CDH18: variants seen among roughly 807,000 people sequenced by gnomAD.
The protein encoded by CDH18 is cadherin-18.
CDH18 carries 31 observed loss-of-function variants against 67.9 expected under a neutral mutation model. That is an observed-to-expected ratio of 0.46 (90% CI 0.34 to 0.62). The LOEUF (loss-of-function observed/expected upper bound fraction) is 0.62. Among genes scored for constraint, CDH18 ranks in the 20% least tolerant of loss-of-function variants. CDH18 has a pLI of 0.01. For synonymous variants in CDH18, 362 were observed against 347.2 expected (o/e 1.04, Z -0.48); for missense variants, 890 against 975.5 (o/e 0.91, Z 1.17).
At chr5:19,999,137 C>G (rs1736239524) in intron 2 of CDH18, among the ~76,000 whole-genome samples, 1 of 152,008 alleles carries the variant, frequency 6.6e-6, no homozygotes, top group East Asian at 1.9e-4. Context: ...GATAAAGTCC[C>G]TGTAAACACA....
chr5:20,467,977 CTTT>C (rs1022248296), intron 1 of CDH18, among the ~76,000 whole-genome samples: 4 of 144,990 alleles, frequency 2.8e-5, no homozygotes, highest in Admixed American at 7.2e-5. Flanking sequence ...TATTTACTTA[CTTT>C]TTATTTTATT....
intron 11 of CDH18, among the ~76,000 whole-genome samples, chr5:19,498,890 T>A (rs1200005494): frequency 6.6e-6 from 1 of 152,326 alleles, no homozygotes; most frequent in East Asian, 1.9e-4. Context: ...CGTATCTCCA[T>A]CTTTAGGAAC....
intron 3 of CDH18, among the ~76,000 whole-genome samples, chr5:19,835,768 C>T (rs943458158): frequency 2.0e-5 from 3 of 151,994 alleles, no homozygotes; most frequent in Non-Finnish European, 2.9e-5. Flanking sequence ...AGACTATGAG[C>T]GAGGTGTCCC....
rs369598111 is a variant in CDH18, at chr5:20,250,499, GC to G, written c.-518+4944del. ...GTAGAAATGGGGTTTCACCTTGTTG[GC>G]CAGGATGGTTTCGATCTGTTGACCT... On this transcript the variant is annotated intron_variant, in intron 2 of 14. Coordinates refer to the CDH18 transcript ENST00000507958. Among the ~76,000 whole-genome samples, 500 of 148,762 alleles carry G rather than the reference GC, an allele frequency of 3.4e-3. 7 individuals are homozygous for G. Among genetic ancestry groups the G allele is most frequent in the South Asian group, 0.027 (125 of 4,684 alleles).
intron 1 of CDH18, among the ~76,000 whole-genome samples, chr5:20,561,625 AT>A (rs901506147): frequency 4.6e-5 from 7 of 152,012 alleles, no homozygotes; most frequent in African/African-American, 1.4e-4. Flanking sequence ...AGCATAGAAG[AT>A]TTTTTTAGGG....
intron 5 of CDH18, among the ~76,000 whole-genome samples, chr5:19,636,644 TA>T (rs1282176308): frequency 2.6e-5 from 4 of 151,956 alleles, no homozygotes; most frequent in Non-Finnish European, 5.9e-5. Flanking sequence ...TTTATAAAGA[TA>T]AAAAATATTT....
chr5:19,983,901 T>G (rs142749596), intron 1 of CDH18, among the ~76,000 whole-genome samples: 2 of 152,202 alleles, frequency 1.3e-5, no homozygotes, highest in African/African-American at 4.8e-5. Flanking sequence ...TATGCAACCA[T>G]ATGCAATAAT....
At chr5:20,135,324 T>C (rs1580321777) in intron 2 of CDH18, among the ~76,000 whole-genome samples, 1 of 152,236 alleles carries the variant, frequency 6.6e-6, no homozygotes. Flanking sequence ...CTTGGGAGGG[T>C]GTATGTGTCC....
intron 9 of CDH18, among the ~76,000 whole-genome samples, chr5:19,543,516 A>G (rs2127078636): frequency 6.6e-6 from 1 of 152,250 alleles, no homozygotes; most frequent in South Asian, 2.1e-4. Flanking sequence ...TTTTTCCTAA[A>G]CTATCACACA....
At position 20,093,200 on chromosome 5, in the gene CDH18, ATC is replaced by A. The variant is rs1745592276; in HGVS notation, c.-517-101188_-517-101187del. 6.6e-5 allele frequency among the ~76,000 whole-genome samples: 10 copies of A among 151,722 alleles called. No homozygotes were observed. In the South Asian group the frequency reaches 2.1e-3, roughly 32 times the overall value. On this transcript the variant is annotated intron_variant, in intron 2 of 14. Transcript: ENST00000507958. ...AGTCTGGAGAAAAAAGCAAGACACC[ATC>A]TCACTCACACACATACACACACACA...
intron 9 of CDH18, among the ~76,000 whole-genome samples, chr5:19,528,627 A>G (rs1748118648): frequency 6.6e-6 from 1 of 151,936 alleles, no homozygotes; most frequent in South Asian, 2.1e-4. Context: ...CGGGGTTAAC[A>G]CCACCATTCT....
intron 3 of CDH18, among the ~76,000 whole-genome samples, chr5:19,804,851 G>T (rs1276068945): frequency 6.6e-6 from 1 of 151,994 alleles, no homozygotes; most frequent in Non-Finnish European, 1.5e-5. Flanking sequence ...CAATATTCTT[G>T]AATATGGCTC....
chr5:19,488,244 T>G (rs1281829580), intron 11 of CDH18, among the ~76,000 whole-genome samples: 1 of 152,172 alleles, frequency 6.6e-6, no homozygotes, highest in African/African-American at 2.4e-5. Flanking sequence ...AGTCCAAAAT[T>G]ACCTTATAGC....
intron 9 of CDH18, among the ~76,000 whole-genome samples, chr5:19,541,771 G>A (rs914498321): frequency 1.3e-5 from 2 of 152,106 alleles, no homozygotes; most frequent in African/African-American, 4.8e-5. Context: ...TCCCTCCGAT[G>A]ACAGGTGGGA....
At chr5:19,562,356 T>C (rs1290349065) in intron 8 of CDH18, among the ~76,000 whole-genome samples, 2 of 152,088 alleles carry the variant, frequency 1.3e-5, no homozygotes, top group Admixed American at 6.6e-5. Context: ...ATCTCTCTCT[T>C]TTTTTTGCTG....
chr5:19,511,522 C>G (rs529499893), intron 10 of CDH18, among the ~76,000 whole-genome samples: 1 of 152,178 alleles, frequency 6.6e-6, no homozygotes, highest in South Asian at 2.1e-4. Context: ...ATAGTGATAT[C>G]TAAAATGAAG....
chr5:19,740,240 A>C (rs1013115321), intron 4 of CDH18, among the ~76,000 whole-genome samples: 5 of 152,168 alleles, frequency 3.3e-5, no homozygotes, highest in Admixed American at 2.0e-4. Context: ...TAGGTATACT[A>C]ATACACAGAA....
intron 1 of CDH18, among the ~76,000 whole-genome samples, chr5:20,394,187 G>C (rs1745097914): frequency 6.6e-6 from 1 of 151,974 alleles, no homozygotes; most frequent in African/African-American, 2.4e-5. Context: ...TAACAAAACA[G>C]CATGGTGTTG....
intron 2 of CDH18, among the ~76,000 whole-genome samples, chr5:19,850,855 T>C (rs546448649): frequency 6.6e-6 from 1 of 152,044 alleles, no homozygotes; most frequent in East Asian, 1.9e-4. Context: ...GAGATTTTAT[T>C]TGCAACGTGC....
Sources: allele counts gnomAD v4.1 joint callset (sites outside exome capture counted in the v4.1 genomes callset), GRCh38; gene constraint gnomAD v4.1.1; transcripts MANE v1.5; gene names NCBI Gene and HGNC (gene_info 2026-07-23, HGNC 2026-07-21).